IGSF10: variants seen among roughly 807,000 people sequenced by gnomAD.
IGSF10 encodes immunoglobulin superfamily member 10.
In IGSF10, 126 loss-of-function variants were observed where a neutral mutation model predicts 128.2. The ratio of observed to expected loss-of-function variants is 0.98; its 90% CI spans 0.85 to 1.14. The LOEUF (loss-of-function observed/expected upper bound fraction) is 1.14, where lower values mean the gene tolerates loss of function less well. Ranked by LOEUF, IGSF10 falls within the 50% of genes most tolerant of loss-of-function variation. The pLI is 0.00. For missense variants in IGSF10, 3,295 were observed against 3,149.8 expected, an observed-to-expected ratio of 1.05 and a Z score of -1.10; for synonymous variants, 1,185 against 1,146.2, an observed-to-expected ratio of 1.03 and a Z score of -0.68.
Position 151,447,507 on chromosome 3 carries a change from G to A in IGSF10, c.2474C>T (p.Ser825Phe). ...CATAGGACTATCAGATATTGTTCTGGAGTCAGCAGTCACTGTCCTTGCTGG... is the reference window on the plus strand; with the variant it reads ...CATAGGACTATCAGATATTGTTCTGAAGTCAGCAGTCACTGTCCTTGCTGG... ...NLPARTVTAD[S>F]RTISDSPMTN... The change falls in exon 6 of 8, where the codon TCC (serine) becomes TTC (phenylalanine). Residue 825 changes from serine to phenylalanine, a missense_variant. Ser to Phe is a radical substitution (Grantham distance 155). Coordinates refer to ENST00000282466, the MANE Select transcript of IGSF10 (RefSeq NM_178822.5). 1 of 1,614,080 alleles carries A rather than the reference G, an allele frequency of 6.2e-7. No individual in the cohort carries two copies. The highest frequency in any genetic ancestry group is 8.5e-7 in the Non-Finnish European group (1 of 1,179,968).
the IGSF10 span, among the ~76,000 whole-genome samples, chr3:151,471,065 G>C: frequency 1.3e-5 from 2 of 152,056 alleles, no homozygotes; most frequent in East Asian, 3.9e-4. Context: ...AATAATCCCT[G>C]TGGGGATTAT....
chr3:151,459,988 A>G (rs558603814), intron 2 of IGSF10, among the ~76,000 whole-genome samples: 1 of 152,368 alleles, frequency 6.6e-6, no homozygotes, highest in African/African-American at 2.4e-5. Flanking sequence ...GATTAATCAT[A>G]TGACCACTTT....
At chr3:151,455,923 G>C (rs1276823221) in intron 4 of IGSF10, among the ~76,000 whole-genome samples, 2 of 152,128 alleles carry the variant, frequency 1.3e-5, no homozygotes, top group African/African-American at 4.8e-5. Flanking sequence ...GACTTGGCCT[G>C]AACTATCATC....
At chr3:151,506,544 T>G in the IGSF10 span, among the ~76,000 whole-genome samples, 3 of 152,336 alleles carry the variant, frequency 2.0e-5, no homozygotes, top group African/African-American at 7.2e-5. Flanking sequence ...TAAATTTATA[T>G]AAGAGGTCAT....
At chr3:151,547,715 C>A in the IGSF10 span, among the ~76,000 whole-genome samples, 1 of 152,126 alleles carries the variant, frequency 6.6e-6, no homozygotes, top group African/African-American at 2.4e-5. Flanking sequence ...CATCTTGGAG[C>A]AAATCCATCA....
chr3:151,570,184 G>T, the IGSF10 span, among the ~76,000 whole-genome samples: 2 of 152,070 alleles, frequency 1.3e-5, no homozygotes, highest in African/African-American at 4.8e-5. Context: ...GAATAGTGCC[G>T]CAATAAACAT....
intron 7 of IGSF10, among the ~76,000 whole-genome samples, chr3:151,439,084 G>A (rs936756185): frequency 5.9e-5 from 9 of 152,148 alleles, no homozygotes; most frequent in Non-Finnish European, 1.0e-4. Context: ...ATGAATCTCC[G>A]TTACATAGTA....
the IGSF10 span, among the ~76,000 whole-genome samples, chr3:151,617,321 C>CTTCTTCTT: frequency 1.6e-3 from 56 of 36,054 alleles, no homozygotes; most frequent in Middle Eastern, 0.015. Flanking sequence ...TTCTTCTTCC[C>CTTCTTCTT]CTCCTCCTCC....
chr3:151,615,225 G>A, the IGSF10 span, among the ~76,000 whole-genome samples: 2 of 151,852 alleles, frequency 1.3e-5, no homozygotes, highest in Non-Finnish European at 2.9e-5. Context: ...GAATGTCAAG[G>A]TTTTTTTGTG....
At chr3:151,479,335 T>C in the IGSF10 span, among the ~76,000 whole-genome samples, 159 of 152,322 alleles carry the variant, frequency 1.0e-3, 1 homozygote, top group African/African-American at 3.6e-3. Context: ...TCTTTCTGTT[T>C]AATGTGAAAG....
the IGSF10 span, among the ~76,000 whole-genome samples, chr3:151,535,184 T>A: frequency 6.6e-6 from 1 of 152,220 alleles, no homozygotes; most frequent in Non-Finnish European, 1.5e-5. Context: ...TTATCATCCC[T>A]TATTTTATTC....
chr3:151,511,075 C>G, the IGSF10 span, among the ~76,000 whole-genome samples: 3 of 152,260 alleles, frequency 2.0e-5, no homozygotes, highest in South Asian at 6.2e-4. Context: ...CCCAATCTAG[C>G]AAGGCAGGCC....
chr3:151,600,981 G>C, the IGSF10 span, among the ~76,000 whole-genome samples: 1 of 150,998 alleles, frequency 6.6e-6, no homozygotes, highest in African/African-American at 2.4e-5. Context: ...ATTCTTGAAA[G>C]TATTATGTCA....
At chr3:151,484,984 G>A in the IGSF10 span, among the ~76,000 whole-genome samples, 1 of 152,260 alleles carries the variant, frequency 6.6e-6, no homozygotes, top group East Asian at 1.9e-4. Flanking sequence ...GGTTTCAGAA[G>A]GTGGGTAATA....
chr3:151,566,496 T>C, the IGSF10 span, among the ~76,000 whole-genome samples: 10 of 152,224 alleles, frequency 6.6e-5, no homozygotes, highest in African/African-American at 2.2e-4. Flanking sequence ...ACAACCCATG[T>C]GTTGTCCCTG....
chr3:151,438,224 C>T lies in IGSF10; in HGVS notation c.6337G>A (p.Glu2113Lys), dbSNP rs778522469. The change falls in exon 8 of 8, where the codon GAG (glutamate) becomes AAG (lysine). Residue 2113 changes from glutamate to lysine, a missense_variant. Coordinates refer to ENST00000282466, the MANE Select transcript of IGSF10 (RefSeq NM_178822.5). ...GCATAGCAAGTATAATCTCCTTCCT[C>T]CGCTACCCCAACTTTGTTGAAGTAT... ...TLYFNKVGVA[E>K]EGDYTCYAQN... is the part of the protein sequence containing the mutation. The T allele has an allele frequency of 1.9e-6, 3 of 1,614,172 alleles. No homozygotes were observed. The highest frequency in any genetic ancestry group is 3.3e-5 in the Admixed American group (2 of 60,026).
chr3:151,446,689 G>A lies in IGSF10; in HGVS notation c.3292C>T (p.Pro1098Ser). ...ACTAGAGTTGTAGACTCTTCTGATG[G>A]GACTCTAGCAATGTCAGCTTTGGGG... Reference protein sequence around the residue: ...TFPKADIARVPSEESTTLVQN... With the variant: ...TFPKADIARVSSEESTTLVQN... The change falls in exon 6 of 8, where the codon CCA becomes TCA. Residue 1098 changes from proline (P) to serine (S), a missense_variant. By Grantham distance (74) the Pro-to-Ser change is moderately conservative. Coordinates refer to ENST00000282466, the MANE Select transcript of IGSF10 (RefSeq NM_178822.5). 1.2e-6 allele frequency: 2 copies of A among 1,614,054 alleles called. No homozygotes were observed. Among genetic ancestry groups the A allele is most frequent in the Non-Finnish European group, 1.7e-6 (2 of 1,179,952 alleles).
At chr3:151,611,627 T>A in the IGSF10 span, among the ~76,000 whole-genome samples, 1 of 152,238 alleles carries the variant, frequency 6.6e-6, no homozygotes, top group Non-Finnish European at 1.5e-5. Context: ...AGGATTTTTG[T>A]TAGCCAGAGA....
In IGSF10 at chr3:151,448,782, A is replaced by T; in HGVS notation, c.1199T>A (p.Leu400His). The change falls in exon 6 of 8, where the codon CTC becomes CAC. Residue 400 changes from leucine to histidine, a missense_variant. Leu to His is a moderately conservative substitution (Grantham distance 99). Coordinates refer to ENST00000282466, the MANE Select transcript of IGSF10 (RefSeq NM_178822.5). ...AGCCACCTGTTTATATTTGTAATAG[A>T]GCTGCGGTGTTTCACTAAGCAAGTG... ...RSHLLSETPQ[L>H]YYKYKQVAPK... The T allele has an allele frequency of 6.2e-7, 1 of 1,613,754 alleles. No homozygotes were observed. The highest frequency in any genetic ancestry group is 8.5e-7 in the Non-Finnish European group (1 of 1,179,640).
Sources: allele counts gnomAD v4.1 joint callset (sites outside exome capture counted in the v4.1 genomes callset), GRCh38; gene constraint gnomAD v4.1.1; transcripts MANE v1.5; gene names NCBI Gene and HGNC (gene_info 2026-07-23, HGNC 2026-07-21).